Variants in TMEFF2 observed in about 807,000 individuals in gnomAD.
TMEFF2 encodes transmembrane protein with EGF like and two follistatin like domains 2.
A neutral mutation model predicts 53.8 loss-of-function variants in TMEFF2; 28 were observed. That is an observed-to-expected ratio of 0.52 (90% confidence interval 0.39 to 0.71). The LOEUF (loss-of-function observed/expected upper bound fraction) is 0.71. Among genes scored for constraint, TMEFF2 ranks in the 30% least tolerant of loss-of-function variants. The probability of loss-of-function intolerance (pLI) is 0.00; values close to 1 mark genes in which losing one functional copy is unlikely to be tolerated. For synonymous variants in TMEFF2, 162 were observed against 166.3 expected, an observed-to-expected ratio of 0.97 and a Z score of 0.20; for missense variants, 353 against 455.2, an observed-to-expected ratio of 0.78 and a Z score of 2.04.
At chr2:192,086,354 C>G (rs1688669573) in intron 4 of TMEFF2, among the ~76,000 whole-genome samples, 1 of 152,114 alleles carries the variant, frequency 6.6e-6, no homozygotes, top group Admixed American at 6.6e-5. Flanking sequence ...GTAATTTAAC[C>G]TGATTTCTTT....
At chr2:192,146,263 A>T (rs1269086855) in intron 4 of TMEFF2, among the ~76,000 whole-genome samples, 2 of 152,062 alleles carry the variant, frequency 1.3e-5, no homozygotes, top group African/African-American at 4.8e-5. Context: ...ACATTGTGGA[A>T]AAAGAACTGA....
chr2:191,955,884 A>G (rs962071409), intron 8 of TMEFF2, among the ~76,000 whole-genome samples: 2 of 152,160 alleles, frequency 1.3e-5, no homozygotes, highest in African/African-American at 4.8e-5. Context: ...AATATACATA[A>G]GGCTTCATCC....
intron 7 of TMEFF2, among the ~76,000 whole-genome samples, chr2:191,976,361 G>T (rs971861067): frequency 2.0e-5 from 3 of 152,312 alleles, no homozygotes; most frequent in Non-Finnish European, 4.4e-5. Flanking sequence ...TGTTTTAGTT[G>T]TTATTAGTCA....
chr2:191,996,651 T>A (rs192412305), intron 7 of TMEFF2, among the ~76,000 whole-genome samples: 34 of 152,082 alleles, frequency 2.2e-4, no homozygotes, highest in Admixed American at 4.6e-4. Flanking sequence ...AAAAATGTGT[T>A]ATCAAACAAT....
chr2:192,013,333 G>A (rs900073350), intron 5 of TMEFF2, among the ~76,000 whole-genome samples: 2 of 151,990 alleles, frequency 1.3e-5, no homozygotes, highest in African/African-American at 4.8e-5. Context: ...TGTTCCCTCT[G>A]CCTGGAATGT....
chr2:192,053,268 C>G (rs1038520429), intron 5 of TMEFF2, among the ~76,000 whole-genome samples: 9 of 152,204 alleles, frequency 5.9e-5, no homozygotes, highest in African/African-American at 1.9e-4. Flanking sequence ...ATTCCCATCT[C>G]CAGTGTGACT....
At chr2:192,182,255 A>G (rs180813890) in intron 3 of TMEFF2, among the ~76,000 whole-genome samples, 47 of 152,072 alleles carry the variant, frequency 3.1e-4, no homozygotes, top group Middle Eastern at 3.4e-3. Context: ...TGGGAAATAT[A>G]CAAAGAAAAG....
chr2:192,163,706 T>C (rs1690687079), intron 4 of TMEFF2, among the ~76,000 whole-genome samples: 1 of 152,224 alleles, frequency 6.6e-6, no homozygotes, highest in East Asian at 1.9e-4. Flanking sequence ...GCTCAATGCA[T>C]GGGCTTTGGT....
intron 4 of TMEFF2, among the ~76,000 whole-genome samples, chr2:192,169,839 C>T (rs1220869774): frequency 6.6e-6 from 1 of 152,034 alleles, no homozygotes; most frequent in Non-Finnish European, 1.5e-5. Flanking sequence ...CATAAGGGAG[C>T]TCTCTCTTAC....
At chr2:192,001,281 A>G (rs974794620) in intron 5 of TMEFF2, among the ~76,000 whole-genome samples, 1 of 152,178 alleles carries the variant, frequency 6.6e-6, no homozygotes, top group South Asian at 2.1e-4. Flanking sequence ...GGTAAATTAG[A>G]TAAGATATTA....
intron 4 of TMEFF2, among the ~76,000 whole-genome samples, chr2:192,069,269 G>T (rs950179457): frequency 6.6e-6 from 1 of 151,606 alleles, no homozygotes; most frequent in Non-Finnish European, 1.5e-5. Flanking sequence ...AACCCCTGAA[G>T]ACCTCTGTAG....
chr2:192,094,504 GTGTGTGTGTT>G (rs1688859763), intron 4 of TMEFF2, among the ~76,000 whole-genome samples: 1 of 150,336 alleles, frequency 6.7e-6, no homozygotes, highest in South Asian at 2.1e-4. Flanking sequence ...AGCAGTGTGT[GTGTGTGTGTT>G]TGTGTGTGTT....
intron 5 of TMEFF2, among the ~76,000 whole-genome samples, chr2:192,038,788 C>T (rs1687398554): frequency 6.6e-6 from 1 of 152,106 alleles, no homozygotes. Flanking sequence ...TGCCCAGCCT[C>T]CTCTTTCTAT....
chr2:192,069,248 C>T (rs1688230754), intron 4 of TMEFF2, among the ~76,000 whole-genome samples: 1 of 151,726 alleles, frequency 6.6e-6, no homozygotes, highest in Non-Finnish European at 1.5e-5. Flanking sequence ...AATTTATAGT[C>T]TACCCGCTAG....
intron 4 of TMEFF2, among the ~76,000 whole-genome samples, chr2:192,138,514 A>C (rs927610316): frequency 6.6e-6 from 1 of 152,208 alleles, no homozygotes; most frequent in African/African-American, 2.4e-5. Flanking sequence ...CCCTGAATTC[A>C]CTTTTCTAAT....
intron 4 of TMEFF2, among the ~76,000 whole-genome samples, chr2:192,092,705 C>A (rs1354663991): frequency 6.6e-6 from 1 of 151,968 alleles, no homozygotes; most frequent in Non-Finnish European, 1.5e-5. Context: ...AATGTAATTA[C>A]AAGGGTCCTT....
At chr2:192,085,685 T>C (rs1688653711) in intron 4 of TMEFF2, among the ~76,000 whole-genome samples, 1 of 146,016 alleles carries the variant, frequency 6.8e-6, no homozygotes, top group South Asian at 2.1e-4. Flanking sequence ...TCTATGGAGA[T>C]AGAAAGTGAA....
intron 5 of TMEFF2, among the ~76,000 whole-genome samples, chr2:192,008,927 A>G (rs1312347320): frequency 6.6e-6 from 1 of 152,200 alleles, no homozygotes; most frequent in Non-Finnish European, 1.5e-5. Context: ...CGAAACTGCA[A>G]TTTCACATCA....
At chr2:192,133,675 CT>C (rs1689918795) in intron 4 of TMEFF2, among the ~76,000 whole-genome samples, 1 of 152,210 alleles carries the variant, frequency 6.6e-6, no homozygotes, top group Non-Finnish European at 1.5e-5. Context: ...AACGTGCTTT[CT>C]TTACTACTCC....
Sources: allele counts gnomAD v4.1 joint callset (sites outside exome capture counted in the v4.1 genomes callset), GRCh38; gene constraint gnomAD v4.1.1; transcripts MANE v1.5; gene names NCBI Gene and HGNC (gene_info 2026-07-23, HGNC 2026-07-21).